Variants in BMP8B observed in about 807,000 individuals in gnomAD.
BMP8B encodes the protein bone morphogenetic protein 8 (osteogenic protein 2).
Under a neutral mutation model 30.3 loss-of-function variants are expected in BMP8B, and 17 were observed. The observed-to-expected ratio is 0.56, with a 90% CI of 0.38 to 0.84. BMP8B has a LOEUF of 0.84. Among genes scored for constraint, BMP8B ranks in the 40% least tolerant of loss-of-function variants. BMP8B has a pLI of 0.00. For synonymous variants in BMP8B, 131 were observed against 214.7 expected, an observed-to-expected ratio of 0.61 and a Z score of 3.41; for missense variants, 253 against 494.6, an observed-to-expected ratio of 0.51 and a Z score of 4.63.
chr1:39,762,995 G>T, intron 6 of BMP8B, 97 bp downstream of exon 6: 2 of 1,421,244 alleles, frequency 1.4e-6, no homozygotes, highest in Non-Finnish European at 2.0e-6. Flanking sequence ...GAGACGCGGA[G>T]CAGGTGGCCT....
At position 39,763,163 on chromosome 1, in the gene BMP8B, A is replaced by G. The variant is rs373679206; in HGVS notation, c.988T>C (p.Cys330Arg). The part of the protein sequence containing the change: ...IAPQGYSAYY[C>R]EGECSFPLDS... ...AGTGGGAAGGAGCACTCCCCCTCACAGTAATAGGCCGAGTAGCCTTGGGGA... is the reference window on the plus strand; with the variant it reads ...AGTGGGAAGGAGCACTCCCCCTCACGGTAATAGGCCGAGTAGCCTTGGGGA... Residue 330 changes from cysteine to arginine, a missense_variant, in exon 6 of 7, where the codon TGT becomes CGT. Transcript: ENST00000372827. The G allele has an allele frequency of 3.1e-6, 5 of 1,613,948 alleles. No individual in the cohort carries two copies. The African/African-American group carries it at 5.3e-5, about 17-fold the overall frequency.
rs1287657283 is a variant in BMP8B at position 39,788,509 on chromosome 1, G to C, written c.-24C>G. ...ATGGCAGGCCGGGGGCGCTCAGCTG[G>C]GGCGCTCAGCGGGCGCGCATCGGCT... On this transcript the variant is annotated 5_prime_UTR_variant, in exon 1 of 7. Transcript: ENST00000372827. This position sits in a 1 kb window ranked among gnomAD's most constrained non-coding sequence, Gnocchi z 5.8. The C allele has an allele frequency of 9.9e-7, 1 of 1,007,158 alleles. No homozygotes were observed. The highest frequency in any genetic ancestry group is 1.0e-4 in the East Asian group (1 of 9,880). The allele number at this position is 1,007,158 out of a possible 1,614,324, so 62.4% of individuals were successfully genotyped here. A position where few individuals can be genotyped will look rare whatever the true frequency, so the allele number is the denominator to read the frequency against.
Position 39,788,430 on chromosome 1 carries a change from C to A in BMP8B, c.56G>T (p.Gly19Val). The A allele has an allele frequency of 9.6e-7, 1 of 1,038,828 alleles. No homozygotes were observed. The highest frequency in any genetic ancestry group is 1.2e-6 in the Non-Finnish European group (1 of 866,312). The allele number at this position is 1,038,828 out of a possible 1,614,324, so 64.4% of individuals were successfully genotyped here. ...WLLGLALCAL[G>V]GGGPGLRPPP... is the part of the protein sequence containing the mutation. ...GGGTCGCAGGCCGGGGCCGCCCCCG[C>A]CCAGCGCGCATAGCGCCAGGCCCAG... The change falls in exon 1 of 7, where the codon GGC becomes GTC. Residue 19 changes from glycine to valine, a missense_variant. Coordinates refer to ENST00000372827, the MANE Select transcript of BMP8B (RefSeq NM_001720.5). This position sits in a 1 kb window ranked among gnomAD's most constrained non-coding sequence, Gnocchi z 5.8.
chr1:39,788,503 C>T lies in BMP8B; in HGVS notation c.-18G>A, dbSNP rs552973989. On this transcript the variant is annotated 5_prime_UTR_variant, in exon 1 of 7. Transcript: ENST00000372827. This position sits in a 1 kb window ranked among gnomAD's most constrained non-coding sequence, Gnocchi z 5.8. ...GCGGTCATGGCAGGCCGGGGGCGCT[C>T]AGCTGGGGCGCTCAGCGGGCGCGCA... is the stretch of plus-strand genomic sequence containing the variant. The T allele has an allele frequency of 1.9e-3, 1,880 of 1,008,696 alleles. 24 individuals carry two copies. In the African/African-American group the frequency reaches 0.029, roughly 16 times the overall value. 62.5% of individuals were successfully genotyped at this position (1,008,696 alleles called of 1,614,324 possible).
intron 1 of BMP8B, among the ~76,000 whole-genome samples, chr1:39,775,888 G>T (rs1650190860): frequency 6.6e-6 from 1 of 151,880 alleles, no homozygotes; most frequent in South Asian, 2.1e-4. Flanking sequence ...ATCTGAACTG[G>T]CTTTGAAGGG....
At chr1:39,783,003 G>A (rs912237755) in intron 1 of BMP8B, among the ~76,000 whole-genome samples, 4 of 151,340 alleles carry the variant, frequency 2.6e-5, no homozygotes, top group Non-Finnish European at 4.4e-5. Flanking sequence ...CACCATGTTG[G>A]CCAGGCTGGT....
At chr1:39,781,800 G>A (rs1251009668) in intron 1 of BMP8B, among the ~76,000 whole-genome samples, 2 of 152,206 alleles carry the variant, frequency 1.3e-5, no homozygotes, top group Non-Finnish European at 2.9e-5. Context: ...CCAGCTGTTG[G>A]ATGGTGGGTG....
intron 1 of BMP8B, among the ~76,000 whole-genome samples, chr1:39,781,413 A>G (rs1300262834): frequency 6.6e-6 from 1 of 152,218 alleles, no homozygotes; most frequent in Admixed American, 6.5e-5. Flanking sequence ...GCTGACATTT[A>G]TTGAGCACTG....
At chr1:39,785,846 T>G (rs1369264875) in intron 1 of BMP8B, among the ~76,000 whole-genome samples, 4 of 152,186 alleles carry the variant, frequency 2.6e-5, no homozygotes, top group South Asian at 2.1e-4. Flanking sequence ...AATTACCAGT[T>G]AAAGCTACTC....
intron 1 of BMP8B, among the ~76,000 whole-genome samples, chr1:39,779,784 CCTGA>C (rs1245331242): frequency 6.6e-6 from 1 of 152,206 alleles, no homozygotes; most frequent in Non-Finnish European, 1.5e-5. Flanking sequence ...TTCATGCTAA[CCTGA>C]CTGTGTTAGT....
chr1:39,775,267 G>A (rs1274693683), intron 1 of BMP8B, among the ~76,000 whole-genome samples: 1 of 152,142 alleles, frequency 6.6e-6, no homozygotes, highest in Non-Finnish European at 1.5e-5. Context: ...GAGCCCCGCA[G>A]CTGGCTGGTG....
rs1651137788 is a variant in BMP8B at position 39,788,213 on chromosome 1, G to A, written c.273C>T (p.Asp91=). 8 of 1,572,264 alleles carry A rather than the reference G, an allele frequency of 5.1e-6. No individual in the cohort carries two copies. In the East Asian group the frequency reaches 1.7e-4, roughly 33 times the overall value. Residue 91 remains aspartate (D), a synonymous_variant, in exon 1 of 7, where the codon GAC becomes GAT. Coordinates refer to ENST00000372827, the MANE Select transcript of BMP8B (RefSeq NM_001720.5). The surrounding 1 kb of genome is among the most constrained non-coding windows in gnomAD (Gnocchi z 5.8). ...YHAMAGDDDE[D]GAPAERRLGR... ...CCAGGCGCCGCTCCGCGGGCGCGCCGTCCTCGTCGTCGTCGCCGGCCATGG... is the reference window on the plus strand; with the variant it reads ...CCAGGCGCCGCTCCGCGGGCGCGCCATCCTCGTCGTCGTCGCCGGCCATGG...
At chr1:39,763,634 CTA>C (rs1321490941) in intron 5 of BMP8B, 76 bp downstream of exon 5, 12 of 1,520,228 alleles carry the variant, frequency 7.9e-6, no homozygotes, top group South Asian at 1.2e-5. Context: ...CACCATGATT[CTA>C]TGTCCTCCCT....
chr1:39,769,953 C>T lies in BMP8B; in HGVS notation c.673+4355G>A, dbSNP rs777575586. On this transcript the variant is annotated intron_variant, in intron 3 of 6. Transcript: ENST00000372827. ...TTTGTGCAGTGCTGCATGGTGACCA[C>T]CACTCTGGTCTTCTGACTGGACACC... The T allele has an allele frequency of 1.0e-5, 16 of 1,569,848 alleles. No individual in the cohort carries two copies. The African/African-American group carries it at 1.4e-4, about 14-fold the overall frequency.
Position 39,788,545 on chromosome 1 carries a change from C to T in BMP8B, c.-60G>A. 2.0e-6 allele frequency: 2 copies of T among 996,600 alleles called. No homozygotes were observed. Among genetic ancestry groups the T allele is most frequent in the Non-Finnish European group, 2.4e-6 (2 of 838,680 alleles). The allele number at this position is 996,600 out of a possible 1,614,324, so 61.7% of individuals were successfully genotyped here. The stretch of plus-strand genomic sequence containing the variant: ...GGGCGCGCATCGGCTCCGCGGCCGA[C>T]CCAGGGCCTGGGGACGCCCCGACGG... On this transcript the variant is annotated 5_prime_UTR_variant, in exon 1 of 7. Transcript: ENST00000372827. This position sits in a 1 kb window ranked among gnomAD's most constrained non-coding sequence, Gnocchi z 5.8.
In BMP8B at chr1:39,768,587, G is replaced by A. The variant is rs993287253; in HGVS notation, c.674-3770C>T. On this transcript the variant is annotated intron_variant, in intron 3 of 6. Transcript: ENST00000372827. ...ATAAAAACGTTCAAGAAGGCTGGGTGCAATGGCTCAAGCCTGTACTTTGGG... is the reference window on the plus strand; with the variant it reads ...ATAAAAACGTTCAAGAAGGCTGGGTACAATGGCTCAAGCCTGTACTTTGGG... Among the ~76,000 whole-genome samples the A allele has an allele frequency of 3.3e-5, 5 of 150,050 alleles. No homozygotes were observed. In the Middle Eastern group the frequency reaches 9.6e-3, roughly 287 times the overall value.
rs1029727462 is a variant in BMP8B at position 39,757,878 on chromosome 1, T to C, written c.*2541A>G. 3.3e-5 allele frequency: 5 copies of C among 152,262 alleles called. No homozygotes were observed. Among genetic ancestry groups the C allele is most frequent in the South Asian group, 2.1e-4 (1 of 4,834 alleles). 9.4% of individuals were successfully genotyped at this position (152,262 alleles called of 1,614,324 possible). A position where few individuals can be genotyped will look rare whatever the true frequency, so the allele number is the denominator to read the frequency against. On this transcript the variant is annotated 3_prime_UTR_variant, in exon 7 of 7. Coordinates refer to ENST00000372827, the MANE Select transcript of BMP8B (RefSeq NM_001720.5). Reference sequence around the variant, plus strand: ...TCTATTTTATTTCATTTGGTGACTATCTGGATGATAAAAGTTGCTGAAAGT... The same window carrying C: ...TCTATTTTATTTCATTTGGTGACTACCTGGATGATAAAAGTTGCTGAAAGT...
chr1:39,787,670 G>A (rs772928875), intron 1 of BMP8B, among the ~76,000 whole-genome samples: 1 of 152,122 alleles, frequency 6.6e-6, no homozygotes, highest in Non-Finnish European at 1.5e-5. Context: ...ACCCCACCCA[G>A]GCTCCGCACA....
Position 39,788,405 on chromosome 1 carries a change from G to A in BMP8B, c.81C>T (p.Pro27=), listed in dbSNP as rs1651159880. The A allele has an allele frequency of 2.8e-6, 3 of 1,073,714 alleles. No homozygotes were observed. The South Asian group carries it at 1.3e-4, about 46-fold the overall frequency. The allele number at this position is 1,073,714 out of a possible 1,614,324, so 66.5% of individuals were successfully genotyped here. ...ALGGGGPGLR[P]PPGCPQRRLG... ...GACGTCGCTGGGGACAGCCGGGCGG[G>A]GGTCGCAGGCCGGGGCCGCCCCCGC... is the stretch of plus-strand genomic sequence containing the variant. Residue 27 remains proline (P), a synonymous_variant, in exon 1 of 7, where the codon CCC becomes CCT. Coordinates refer to ENST00000372827, the MANE Select transcript of BMP8B (RefSeq NM_001720.5). The surrounding 1 kb of genome is among the most constrained non-coding windows in gnomAD (Gnocchi z 5.8).
Sources: gnomAD v4.1 joint callset for allele counts (sites outside exome capture counted in the v4.1 genomes callset) on GRCh38, gnomAD v4.1.1 for gene constraint, Gnocchi (gnomAD v3.1) non-coding constraint, MANE v1.5 for transcripts, NCBI Gene and HGNC (gene_info 2026-07-23, HGNC 2026-07-21) for gene names.